Variants in DCTN6 observed in about 807,000 individuals in gnomAD.
DCTN6 encodes dynactin subunit 6.
DCTN6 carries 15 observed loss-of-function variants against 25.8 expected under a neutral mutation model. The ratio of observed to expected loss-of-function variants is 0.58; its 90% CI spans 0.39 to 0.89. The LOEUF (loss-of-function observed/expected upper bound fraction) is 0.89. Ranked by LOEUF, DCTN6 falls within the 40% of genes least tolerant of loss-of-function variation. DCTN6 has a pLI of 0.00. For synonymous variants in DCTN6, 64 were observed against 78.3 expected, an observed-to-expected ratio of 0.82 and a Z score of 0.96; for missense variants, 198 against 237.6, an observed-to-expected ratio of 0.83 and a Z score of 1.09.
intron 1 of DCTN6, among the ~76,000 whole-genome samples, chr8:30,159,704 A>C (rs1003508153): frequency 6.6e-6 from 1 of 151,816 alleles, no homozygotes; most frequent in African/African-American, 2.4e-5. Context: ...TTAGTTTTCC[A>C]GATCAGAAAC....
intron 4 of DCTN6, among the ~76,000 whole-genome samples, chr8:30,178,260 T>A (rs1803868033): frequency 6.6e-6 from 1 of 151,988 alleles, no homozygotes; most frequent in Non-Finnish European, 1.5e-5. Context: ...GGTTGGGAGT[T>A]TGAGGCCAGC....
At chr8:30,168,542 T>G (rs920050057) in intron 2 of DCTN6, among the ~76,000 whole-genome samples, 1 of 152,250 alleles carries the variant, frequency 6.6e-6, no homozygotes, top group Non-Finnish European at 1.5e-5. Context: ...TGTTGTTTAA[T>G]TCATAGATTT....
chr8:30,181,528 A>T (rs1269763934), intron 6 of DCTN6, among the ~76,000 whole-genome samples: 1 of 152,224 alleles, frequency 6.6e-6, no homozygotes, highest in Admixed American at 6.5e-5. Context: ...TCCTTTGGAC[A>T]TAAGACATTT....
intron 1 of DCTN6, among the ~76,000 whole-genome samples, chr8:30,163,900 T>C (rs534294644): frequency 1.3e-5 from 2 of 152,060 alleles, no homozygotes; most frequent in East Asian, 1.9e-4. Context: ...TGGGGTTTCT[T>C]CATGTTGGTA....
At chr8:30,174,131 T>C (rs1032522526) in intron 2 of DCTN6, among the ~76,000 whole-genome samples, 1 of 152,212 alleles carries the variant, frequency 6.6e-6, no homozygotes, top group Non-Finnish European at 1.5e-5. Flanking sequence ...GCCAAAGTCC[T>C]CGGACTCCAG....
rs371782984 is a variant in DCTN6, at chr8:30,173,731, T to TAAAAA, written c.89-1335_89-1331dup. ...GGTGACAGAATGAGACCCTGTCTCT[T>TAAAAA]AAAAAAAAAAAAAAAAAAAAAAACC... On this transcript the variant is annotated intron_variant, in intron 2 of 6. Transcript: ENST00000221114. Among the ~76,000 whole-genome samples the TAAAAA allele has an allele frequency of 1.9e-3, 186 of 96,010 alleles. 1 individual carries two copies. The highest frequency in any genetic ancestry group is 9.4e-3 in the South Asian group (25 of 2,670). 63.0% of individuals were successfully genotyped at this position (96,010 alleles called of 152,430 possible). A position where few individuals can be genotyped will look rare whatever the true frequency, so the allele number is the denominator to read the frequency against.
At position 30,180,608 on chromosome 8, in the gene DCTN6, G is replaced by A. The variant is rs1369072870; in HGVS notation, c.452G>A (p.Arg151Gln). The A allele has an allele frequency of 8.7e-6, 14 of 1,613,882 alleles. No individual in the cohort carries two copies. The highest frequency in any genetic ancestry group is 3.3e-5 in the South Asian group (3 of 91,070). ...TVIYGADCLR[R>Q]VQTERPQPQT... ...ATCTATGGTGCAGACTGCCTTCGTC[G>A]GGTGCAGACTGAGCGACCGCAGGTA... is the stretch of plus-strand genomic sequence containing the variant. Residue 151 changes from arginine (R) to glutamine (Q), a missense_variant, in exon 6 of 7, where the codon CGG (arginine) becomes CAG (glutamine). Coordinates refer to ENST00000221114, the MANE Select transcript of DCTN6 (RefSeq NM_006571.4).
intron 2 of DCTN6, among the ~76,000 whole-genome samples, chr8:30,173,205 C>G (rs890599850): frequency 6.6e-6 from 1 of 152,146 alleles, no homozygotes; most frequent in African/African-American, 2.4e-5. Context: ...TTATCAGCCC[C>G]CAGCAATTCC....
chr8:30,170,022 A>T (rs1219155680), intron 2 of DCTN6, among the ~76,000 whole-genome samples: 2 of 152,016 alleles, frequency 1.3e-5, no homozygotes, highest in African/African-American at 4.8e-5. Flanking sequence ...AAATACAAAA[A>T]ATTAGCTGGG....
chr8:30,180,697 T>C, intron 6 of DCTN6, 67 bp downstream of exon 6: 2 of 1,556,378 alleles, frequency 1.3e-6, no homozygotes, highest in Non-Finnish European at 1.8e-6. Flanking sequence ...GTAATTGTCT[T>C]CATGAGGCAG....
At chr8:30,173,721 C>T (rs1803792353) in intron 2 of DCTN6, among the ~76,000 whole-genome samples, 2 of 143,420 alleles carry the variant, frequency 1.4e-5, no homozygotes, top group Non-Finnish European at 3.0e-5. Flanking sequence ...CAGAATGAGA[C>T]CCTGTCTCTT....
intron 5 of DCTN6, among the ~76,000 whole-genome samples, chr8:30,179,901 C>CT (rs1803890172): frequency 6.6e-6 from 1 of 152,176 alleles, no homozygotes; most frequent in South Asian, 2.1e-4. Flanking sequence ...CCTAAAGTCA[C>CT]TGTCACTACT....
At chr8:30,183,018 T>G in intron 6 of DCTN6, 57 bp from the exon 7 acceptor site, 1 of 1,463,558 alleles carries the variant, frequency 6.8e-7, no homozygotes, top group East Asian at 2.3e-5. Flanking sequence ...CTGGTTGCTG[T>G]GTGGTACTCT....
intron 1 of DCTN6, among the ~76,000 whole-genome samples, chr8:30,159,883 C>T (rs979744535): frequency 6.6e-6 from 1 of 151,976 alleles, no homozygotes; most frequent in African/African-American, 2.4e-5. Flanking sequence ...CGCCTCAGCC[C>T]CCCAAGTAGC....
chr8:30,161,380 G>C (rs1803591652), intron 1 of DCTN6, among the ~76,000 whole-genome samples: 1 of 152,094 alleles, frequency 6.6e-6, no homozygotes, highest in Non-Finnish European at 1.5e-5. Flanking sequence ...CATTATCTCT[G>C]TAGGATTAGA....
rs1803634732 is a variant in DCTN6 at position 30,164,165 on chromosome 8, T to C, written c.78T>C (p.Asp26=). The C allele has an allele frequency of 6.2e-7, 1 of 1,611,796 alleles. No homozygotes were observed. Among genetic ancestry groups the C allele is most frequent in the Non-Finnish European group, 8.5e-7 (1 of 1,177,836 alleles). ...VVCVESEIRG[D]VTIGPRTVIH... is the part of the protein sequence containing the mutation. ...GTGTAGAAAGTGAAATCAGAGGAGA[T>C]GTAACTATCGGTAAGAAATAGTTTA... is the stretch of plus-strand genomic sequence containing the variant. Residue 26 remains aspartate, a synonymous_variant, in exon 2 of 7, where the codon GAT becomes GAC. Coordinates refer to ENST00000221114, the MANE Select transcript of DCTN6 (RefSeq NM_006571.4).
chr8:30,156,396 A>C lies in DCTN6; in HGVS notation c.13A>C (p.Thr5Pro), dbSNP rs1406967625. The change falls in exon 1 of 7, where the codon ACT becomes CCT. Residue 5 changes from threonine (T) to proline (P), a missense_variant. Thr to Pro is a conservative substitution (Grantham distance 38). Coordinates refer to ENST00000221114, the MANE Select transcript of DCTN6 (RefSeq NM_006571.4). MAEK[T>P]QKSVKIAPGA... ...TTGGGGCCGTACCATGGCGGAGAAG[A>C]CTCAAAAGAGGTGGGTTTGCTGCTT... The C allele has an allele frequency of 2.5e-6, 4 of 1,605,866 alleles. No homozygotes were observed. The highest frequency in any genetic ancestry group is 2.6e-6 in the Non-Finnish European group (3 of 1,176,264).
At chr8:30,167,493 G>A (rs1476510021) in intron 2 of DCTN6, among the ~76,000 whole-genome samples, 1 of 151,956 alleles carries the variant, frequency 6.6e-6, no homozygotes, top group Middle Eastern at 3.2e-3. Flanking sequence ...CTACAGTGAC[G>A]CACCACCACA....
In DCTN6 at chr8:30,165,549, T is replaced by C. The variant is rs371104690; in HGVS notation, c.88+1374T>C. ...ATAAAACCAGTGGAGATTGTGCCAG[T>C]ATTATGGAACATTGTTAAGAATTTG... On this transcript the variant is annotated intron_variant, in intron 2 of 6. Coordinates refer to ENST00000221114, the MANE Select transcript of DCTN6 (RefSeq NM_006571.4). 6.0e-4 allele frequency among the ~76,000 whole-genome samples: 91 copies of C among 151,636 alleles called. 2 individuals are homozygous for C. In the South Asian group the frequency reaches 0.019, roughly 31 times the overall value.
Sources: allele counts gnomAD v4.1 joint callset (sites outside exome capture counted in the v4.1 genomes callset), GRCh38; gene constraint gnomAD v4.1.1; transcripts MANE v1.5; gene names NCBI Gene and HGNC (gene_info 2026-07-23, HGNC 2026-07-21).